Variants in TDRD12 observed in about 807,000 individuals in gnomAD.
TDRD12 encodes the protein tudor domain containing 12.
A neutral mutation model predicts 133.5 loss-of-function variants in TDRD12; 158 were observed. The observed-to-expected ratio is 1.18, with a 90% confidence interval of 1.04 to 1.35. TDRD12 has a LOEUF of 1.35. Among genes scored for constraint, TDRD12 ranks in the 40% most tolerant of loss-of-function variants. The pLI, the probability that TDRD12 is intolerant of heterozygous loss-of-function variation, is 0.00. For missense variants in TDRD12, 1,443 were observed against 1,321.3 expected, an observed-to-expected ratio of 1.09 and a Z score of -1.43; for synonymous variants, 460 against 477.9, an observed-to-expected ratio of 0.96 and a Z score of 0.49.
intron 17 of TDRD12, 42 bp downstream of exon 17, chr19:32,800,400 T>G (rs1171424093): frequency 1.3e-5 from 18 of 1,392,620 alleles, no homozygotes; most frequent in Non-Finnish European, 1.7e-5. Flanking sequence ...TGTGTGTGTG[T>G]GTATGTGTTG....
At chr19:32,763,797 A>G (rs1368156676) in intron 8 of TDRD12, among the ~76,000 whole-genome samples, 2 of 151,598 alleles carry the variant, frequency 1.3e-5, no homozygotes, top group African/African-American at 4.8e-5. Flanking sequence ...TTCCCTCCTC[A>G]CTCCTGGTCC....
At chr19:32,820,138 C>G (rs920997661) in intron 27 of TDRD12, among the ~76,000 whole-genome samples, 2 of 152,106 alleles carry the variant, frequency 1.3e-5, no homozygotes, top group Admixed American at 1.3e-4. Context: ...TCAGGACGCT[C>G]GCTGCCTGAA....
intron 11 of TDRD12, among the ~76,000 whole-genome samples, chr19:32,777,896 G>A (rs1970654795): frequency 1.0e-5 from 1 of 96,426 alleles, no homozygotes; most frequent in Non-Finnish European, 2.0e-5. Flanking sequence ...TTTTTTGTAG[G>A]ACGAGGGTCT....
exon 24 of TDRD12, chr19:32,811,277 A>G: frequency 1.3e-6 from 2 of 1,536,138 alleles, no homozygotes; most frequent in Non-Finnish European, 1.7e-6. Context: ...TGTAGAGTTC[A>G]TCGATGAAGG....
At chr19:32,743,224 C>T (rs1038960466) in intron 4 of TDRD12, among the ~76,000 whole-genome samples, 4 of 152,250 alleles carry the variant, frequency 2.6e-5, no homozygotes, top group South Asian at 2.1e-4. Flanking sequence ...CCCTTTTGCC[C>T]GGGCTGTAGT....
chr19:32,822,666 G>A (rs975947715), downstream of TDRD12, among the ~76,000 whole-genome samples: 6 of 151,314 alleles, frequency 4.0e-5, no homozygotes, highest in African/African-American at 1.2e-4. Context: ...AGAAGGGTGT[G>A]AACCCTGGAG....
chr19:32,759,391 T>G (rs1225570379), intron 8 of TDRD12, among the ~76,000 whole-genome samples: 1 of 151,486 alleles, frequency 6.6e-6, no homozygotes, highest in Non-Finnish European at 1.5e-5. Context: ...GCCCCTGGAG[T>G]TCTAGCATGT....
chr19:32,733,374 G>A (rs964750077), intron 2 of TDRD12, among the ~76,000 whole-genome samples: 4 of 151,708 alleles, frequency 2.6e-5, no homozygotes, highest in Non-Finnish European at 5.9e-5. Context: ...AGAGGCTGAG[G>A]CAAGAGAATC....
At chr19:32,730,750 T>C (rs12327585) in intron 1 of TDRD12, among the ~76,000 whole-genome samples, 1 of 152,166 alleles carries the variant, frequency 6.6e-6, no homozygotes, top group Non-Finnish European at 1.5e-5. Flanking sequence ...GCGCGGTGGC[T>C]CACGCCTGTA....
rs201268108 is a variant in TDRD12, at chr19:32,749,786, A to G, written c.499A>G (p.Thr167Ala). Reference sequence around the variant, plus strand: ...GTGTTTTCATTTATGCTATTTAGCAACTACCCAGGTGGAAGCCAGATTATG... The same window carrying G: ...GTGTTTTCATTTATGCTATTTAGCAGCTACCCAGGTGGAAGCCAGATTATG... Residue 167 changes from threonine (T) to alanine (A), a missense_variant and splice_region_variant, in exon 6 of 28, where the codon ACT becomes GCT. Transcript: ENST00000444215. The G allele has an allele frequency of 6.8e-4, 1,048 of 1,548,412 alleles. 5 individuals carry two copies. The highest frequency in any genetic ancestry group is 8.5e-4 in the Non-Finnish European group (976 of 1,144,744).
chr19:32,764,111 T>TTTC (rs1970228914), intron 8 of TDRD12, among the ~76,000 whole-genome samples: 1 of 130,894 alleles, frequency 7.6e-6, no homozygotes, highest in Non-Finnish European at 1.6e-5. Context: ...ATCTTTTTTT[T>TTTC]TTTTTTTTTT....
chr19:32,789,868 GGTGGATGCCTGTA>G (rs1319053087), intron 11 of TDRD12, among the ~76,000 whole-genome samples: 1 of 152,114 alleles, frequency 6.6e-6, no homozygotes, highest in East Asian at 1.9e-4. Flanking sequence ...TGGGTGTGGT[GGTGGATGCCTGTA>G]GTCCCAGCTA....
chr19:32,763,905 C>T (rs1970221022), intron 8 of TDRD12, among the ~76,000 whole-genome samples: 1 of 152,050 alleles, frequency 6.6e-6, no homozygotes, highest in African/African-American at 2.4e-5. Flanking sequence ...TGCCCTGTGA[C>T]CTCACTTTGA....
intron 27 of TDRD12, among the ~76,000 whole-genome samples, chr19:32,818,633 C>T (rs2145751279): frequency 6.6e-6 from 1 of 152,260 alleles, no homozygotes; most frequent in African/African-American, 2.4e-5. Context: ...GCATCTGTGG[C>T]AAGAGCACAG....
At position 32,754,507 on chromosome 19, in the gene TDRD12, G is replaced by GT. The variant is rs905726306; in HGVS notation, c.583-1477dup. Among the ~76,000 whole-genome samples, 91 of 151,288 alleles carry GT rather than the reference G, an allele frequency of 6.0e-4. 2 individuals carry two copies. The Middle Eastern group carries it at 0.014, about 23-fold the overall frequency. ...CAAAATATTGGCTGCAGAACCAGTC[G>GT]TTTTTTTTCATTTTTTTAAACCTGA... On this transcript the variant is annotated intron_variant, in intron 6 of 27. Transcript: ENST00000444215.
In TDRD12 at chr19:32,801,891, TA is replaced by T; in HGVS notation, c.2197+19del. 1.0e-6 allele frequency: 1 copy of T among 972,758 alleles called. No individual in the cohort carries two copies. 60.3% of individuals were successfully genotyped at this position (972,758 alleles called of 1,614,324 possible). ...TATATTAGGTAAGTGTTTTAATTTC[TA>T]CTTCTATTTAGTGAAGGTTGAGCTA... is the stretch of plus-strand genomic sequence containing the variant. On this transcript the variant is annotated intron_variant, in intron 19 of 27. Transcript: ENST00000444215.
At chr19:32,793,844 G>A (rs12609685) in intron 13 of TDRD12, among the ~76,000 whole-genome samples, 24,135 of 142,180 alleles carry the variant, frequency 0.17, 2,116 homozygotes, top group East Asian at 0.2. Context: ...GCCCAGGCTG[G>A]AGTGCAATGG....
chr19:32,792,614 TG>T (rs1447181666), intron 13 of TDRD12, among the ~76,000 whole-genome samples: 10 of 151,946 alleles, frequency 6.6e-5, no homozygotes, highest in African/African-American at 2.2e-4. Context: ...TTCTGAAAAA[TG>T]GGATTTCTAG....
In TDRD12 at chr19:32,775,121, A is replaced by G. The variant is rs947650977; in HGVS notation, c.1040+1589A>G. Among the ~76,000 whole-genome samples, 10 of 152,138 alleles carry G rather than the reference A, an allele frequency of 6.6e-5. No homozygotes were observed. In the East Asian group the frequency reaches 1.2e-3, roughly 18 times the overall value. On this transcript the variant is annotated intron_variant, in intron 10 of 27. Transcript: ENST00000444215. ...TCTACAAATATTTTTTTCTGCACCA[A>G]TCTTTTTCCTCTCCTTTTAGAGACT... is the stretch of plus-strand genomic sequence containing the variant.
Sources: gnomAD v4.1 joint callset for allele counts (sites outside exome capture counted in the v4.1 genomes callset) on GRCh38, gnomAD v4.1.1 for gene constraint, MANE v1.5 for transcripts, NCBI Gene and HGNC (gene_info 2026-07-23, HGNC 2026-07-21) for gene names.